Variants in GLIS3 observed in about 807,000 individuals in gnomAD.
The protein encoded by GLIS3 is zinc finger protein GLIS3.
A neutral mutation model predicts 78.6 loss-of-function variants in GLIS3; 53 were observed. The observed-to-expected ratio is 0.67, with a 90% CI of 0.54 to 0.85. The LOEUF (loss-of-function observed/expected upper bound fraction) is 0.85, where lower values mean the gene tolerates loss of function less well. GLIS3 is among the 40% of genes least tolerant of loss of function. The pLI is 0.00. For synonymous variants in GLIS3, 684 were observed against 509.9 expected (o/e 1.34, Z -4.60); for missense variants, 1,703 against 1,231.1 (o/e 1.38, Z -5.74).
At chr9:4,260,814 C>G (rs188860746) in intron 2 of GLIS3, among the ~76,000 whole-genome samples, 1 of 152,268 alleles carries the variant, frequency 6.6e-6, no homozygotes, top group Admixed American at 6.5e-5. Context: ...AGAAATACTT[C>G]TGGCTCATTA....
chr9:3,925,239 C>T (rs556246593), intron 6 of GLIS3, among the ~76,000 whole-genome samples: 15 of 152,144 alleles, frequency 9.9e-5, no homozygotes, highest in African/African-American at 3.4e-4. Context: ...TTCCATGTTC[C>T]AGAAGCTTTC....
chr9:3,951,785 A>C (rs1003799755), intron 4 of GLIS3, among the ~76,000 whole-genome samples: 1 of 151,568 alleles, frequency 6.6e-6, no homozygotes, highest in African/African-American at 2.4e-5. Context: ...AATGACTGAG[A>C]TGGAAAAGCA....
chr9:4,314,376 G>T (rs1039869833), intron 2 of GLIS3, among the ~76,000 whole-genome samples: 3 of 152,124 alleles, frequency 2.0e-5, no homozygotes, highest in African/African-American at 7.2e-5. Context: ...TTTCCTCAGT[G>T]TCCTTACTCT....
chr9:4,082,652 C>A (rs770933629), intron 4 of GLIS3, among the ~76,000 whole-genome samples: 3 of 152,170 alleles, frequency 2.0e-5, no homozygotes, highest in Admixed American at 6.5e-5. Flanking sequence ...ATTCACGAAA[C>A]TTTGATCAGT....
In GLIS3 at chr9:4,148,545, T is replaced by C. The variant is rs372935845; in HGVS notation, c.389-22604A>G. 9.2e-5 allele frequency among the ~76,000 whole-genome samples: 14 copies of C among 152,182 alleles called. No homozygotes were observed. The South Asian group carries it at 1.7e-3, about 18-fold the overall frequency. On this transcript the variant is annotated intron_variant, in intron 2 of 10. Transcript: ENST00000381971. The stretch of plus-strand genomic sequence containing the variant: ...CTGTGGATCAATTCTACCTCATGTA[T>C]CTATATCTCACCTTTCCCCCTAAAC...
the GLIS3 span, among the ~76,000 whole-genome samples, chr9:4,450,831 A>G: frequency 1.3e-5 from 2 of 152,194 alleles, no homozygotes; most frequent in Admixed American, 6.6e-5. Flanking sequence ...CCTGCCTTAT[A>G]AAGAGCTCCT....
chr9:3,851,850 A>G (rs1454646051), intron 9 of GLIS3, among the ~76,000 whole-genome samples: 1 of 152,208 alleles, frequency 6.6e-6, no homozygotes, highest in African/African-American at 2.4e-5. Flanking sequence ...TTGATTAAGA[A>G]TATGGCTTGG....
intron 4 of GLIS3, among the ~76,000 whole-genome samples, chr9:4,001,653 A>G (rs1009660571): frequency 1.3e-5 from 2 of 152,210 alleles, no homozygotes; most frequent in African/African-American, 4.8e-5. Context: ...AAAATTTTTA[A>G]TTTCTAAGTA....
chr9:4,353,518 C>A, the GLIS3 span, among the ~76,000 whole-genome samples: 1 of 152,146 alleles, frequency 6.6e-6, no homozygotes, highest in Non-Finnish European at 1.5e-5. Flanking sequence ...ATTTCCAGAA[C>A]TGCCTCTGGG....
the GLIS3 span, among the ~76,000 whole-genome samples, chr9:4,487,020 G>A: frequency 0.013 from 1,966 of 152,168 alleles, 45 homozygotes; most frequent in African/African-American, 0.045. Context: ...CTTTGGAAAT[G>A]CAAAAAGTAG....
intron 2 of GLIS3, among the ~76,000 whole-genome samples, chr9:4,132,483 A>C (rs1833051851): frequency 6.6e-6 from 1 of 152,230 alleles, no homozygotes. Flanking sequence ...CTGGTTTTAA[A>C]AATGACATAG....
the GLIS3 span, among the ~76,000 whole-genome samples, chr9:4,485,422 ACT>A: frequency 1.3e-5 from 2 of 151,702 alleles, no homozygotes; most frequent in African/African-American, 2.4e-5. Context: ...CCAGAGACCG[ACT>A]CTGCATAAGG....
At chr9:3,991,933 G>A (rs368747151) in intron 4 of GLIS3, among the ~76,000 whole-genome samples, 137 of 152,030 alleles carry the variant, frequency 9.0e-4, no homozygotes, top group South Asian at 2.1e-3. Flanking sequence ...TTCGTGATCC[G>A]CCCGCCTCGG....
intron 4 of GLIS3, among the ~76,000 whole-genome samples, chr9:4,101,716 C>T (rs1027562630): frequency 6.6e-6 from 1 of 152,172 alleles, no homozygotes; most frequent in East Asian, 1.9e-4. Context: ...ATCTTATAAG[C>T]ACTGCCGGCT....
chr9:4,387,464 T>G, the GLIS3 span, among the ~76,000 whole-genome samples: 13 of 152,218 alleles, frequency 8.5e-5, no homozygotes, highest in African/African-American at 3.1e-4. Flanking sequence ...CTTTCAGCTC[T>G]TGTCGTTCAA....
At chr9:4,396,255 G>A in the GLIS3 span, among the ~76,000 whole-genome samples, 1 of 152,108 alleles carries the variant, frequency 6.6e-6, no homozygotes, top group South Asian at 2.1e-4. Context: ...TGGGATTACA[G>A]GCATCCACCA....
chr9:3,976,884 C>T (rs1020549895), intron 4 of GLIS3, among the ~76,000 whole-genome samples: 11 of 112,602 alleles, frequency 9.8e-5, no homozygotes, highest in African/African-American at 3.6e-4. Flanking sequence ...AAAAAAAAAG[C>T]TTCTGACAAG....
the GLIS3 span, among the ~76,000 whole-genome samples, chr9:4,372,658 G>C: frequency 1.3e-5 from 2 of 152,066 alleles, no homozygotes; most frequent in African/African-American, 4.8e-5. Context: ...CTTAGGGACC[G>C]ATGACCAAAC....
chr9:4,274,094 A>G (rs1399931721), intron 2 of GLIS3, among the ~76,000 whole-genome samples: 1 of 152,112 alleles, frequency 6.6e-6, no homozygotes, highest in African/African-American at 2.4e-5. Context: ...CACCTTCCAG[A>G]TGAGGAAACT....
Sources: gnomAD v4.1 joint callset for allele counts (sites outside exome capture counted in the v4.1 genomes callset) on GRCh38, gnomAD v4.1.1 for gene constraint, MANE v1.5 for transcripts, NCBI Gene and HGNC (gene_info 2026-07-23, HGNC 2026-07-21) for gene names.